Variants in ATXN7 observed in about 807,000 individuals in gnomAD.
The protein encoded by ATXN7 is ataxin-7.
ATXN7 carries 12 observed loss-of-function variants against 70.5 expected under a neutral mutation model. The observed-to-expected ratio is 0.17, with a 90% CI of 0.11 to 0.28. The LOEUF (loss-of-function observed/expected upper bound fraction) is 0.28, where lower values mean the gene tolerates loss of function less well. Ranked by LOEUF, ATXN7 falls within the 10% of genes least tolerant of loss-of-function variation. The pLI is 1.00. For missense variants in ATXN7, 1,256 were observed against 1,131.7 expected (o/e 1.11, Z -1.58); for synonymous variants, 498 against 448.7 (o/e 1.11, Z -1.39).
At chr3:63,929,269 CTT>C (rs1029963204) in intron 4 of ATXN7, among the ~76,000 whole-genome samples, 196 of 136,614 alleles carry the variant, frequency 1.4e-3, no homozygotes, top group African/African-American at 3.6e-3. Flanking sequence ...CTCTCTCTCT[CTT>C]TTTTTTTTTT....
chr3:63,989,816 G>C (rs2075639206), intron 9 of ATXN7, among the ~76,000 whole-genome samples: 1 of 152,116 alleles, frequency 6.6e-6, no homozygotes, highest in Admixed American at 6.5e-5. Context: ...TATTGTGTAG[G>C]TAAACCAAAT....
chr3:63,877,612 G>A (rs537532939), intron 1 of ATXN7, among the ~76,000 whole-genome samples: 2 of 152,330 alleles, frequency 1.3e-5, no homozygotes, highest in Admixed American at 6.5e-5. Flanking sequence ...CTTAGCAACT[G>A]TTTCTTGTCA....
intron 2 of ATXN7, chr3:63,911,470 T>G (rs1046247451): frequency 8.5e-5 from 13 of 152,210 alleles, no homozygotes; most frequent in African/African-American, 3.1e-4. Context: ...GGTCTCGTCC[T>G]GCCCAAGAAA....
At chr3:63,929,574 C>T (rs1202064223) in intron 4 of ATXN7, among the ~76,000 whole-genome samples, 4 of 152,096 alleles carry the variant, frequency 2.6e-5, no homozygotes, top group African/African-American at 9.7e-5. Flanking sequence ...CCCGGCCTGC[C>T]TTTCTTTTGA....
chr3:63,896,243 C>A (rs1385615505), intron 1 of ATXN7, among the ~76,000 whole-genome samples: 2 of 146,262 alleles, frequency 1.4e-5, no homozygotes, highest in Non-Finnish European at 1.5e-5. Context: ...GTTAGGTCTT[C>A]TTTCTTTCTC....
chr3:63,999,164 C>A, intron 12 of ATXN7: 3 of 344,292 alleles, frequency 8.7e-6, no homozygotes, highest in Non-Finnish European at 1.6e-5. Flanking sequence ...TAAATAAAAC[C>A]AAAAGGCAAA....
intron 4 of ATXN7, among the ~76,000 whole-genome samples, chr3:63,935,588 A>T (rs1288530354): frequency 6.6e-6 from 1 of 152,108 alleles, no homozygotes; most frequent in Non-Finnish European, 1.5e-5. Flanking sequence ...TTTTTTCCCC[A>T]GTAGTGAGCT....
At chr3:63,981,789 C>G (rs569834995) in intron 6 of ATXN7, among the ~76,000 whole-genome samples, 19 of 152,302 alleles carry the variant, frequency 1.2e-4, no homozygotes, top group Admixed American at 4.6e-4. Context: ...TTTGATGAAT[C>G]CTTTCGTACA....
intron 8 of ATXN7, 51 bp from the exon 9 acceptor site, chr3:63,988,008 C>T (rs777666953): frequency 1.2e-6 from 2 of 1,603,930 alleles, no homozygotes; most frequent in Admixed American, 3.5e-5. Context: ...ATAAGGCAGA[C>T]CAAAAATTAT....
intron 4 of ATXN7, among the ~76,000 whole-genome samples, chr3:63,933,753 C>G (rs1400701162): frequency 1.3e-5 from 2 of 152,158 alleles, no homozygotes; most frequent in East Asian, 3.8e-4. Context: ...GTGGTATTCT[C>G]TACTGGGTAT....
intron 2 of ATXN7, chr3:63,903,948 C>T (rs1214493640): frequency 6.6e-6 from 1 of 152,156 alleles, no homozygotes; most frequent in Non-Finnish European, 1.5e-5. Context: ...AATTCAAATG[C>T]CATAAATTTA....
chr3:63,948,598 A>G (rs1385531432), intron 4 of ATXN7, among the ~76,000 whole-genome samples: 2 of 152,196 alleles, frequency 1.3e-5, no homozygotes, highest in Admixed American at 6.5e-5. Context: ...TTACTGAACA[A>G]AGTCCTCAAA....
Position 64,001,450 on chromosome 3 carries a change from A to T in ATXN7, c.*1983A>T, listed in dbSNP as rs561241983. 1 of 152,152 alleles carries T rather than the reference A, an allele frequency of 6.6e-6. No individual in the cohort carries two copies. The highest frequency in any genetic ancestry group is 6.5e-5 in the Admixed American group (1 of 15,288). The allele number at this position is 152,152 out of a possible 1,614,324, so 9.4% of individuals were successfully genotyped here. A position where few individuals can be genotyped will look rare whatever the true frequency, so the allele number is the denominator to read the frequency against. On this transcript the variant is annotated 3_prime_UTR_variant, in exon 13 of 13. Transcript: ENST00000674280. ...AGTTGATTCCTTGGTGACAAGTGCA[A>T]TGGGGTATGGGTAGAATTTATTTTC...
chr3:63,946,416 G>T (rs2074863682), intron 4 of ATXN7, among the ~76,000 whole-genome samples: 1 of 152,106 alleles, frequency 6.6e-6, no homozygotes, highest in African/African-American at 2.4e-5. Flanking sequence ...GAGGCAGGAG[G>T]ATCACAAGGT....
Position 63,912,703 on chromosome 3 carries a change from G to A in ATXN7, c.105G>A (p.Gln35=). 2 of 1,187,856 alleles carry A rather than the reference G, an allele frequency of 1.7e-6. No individual in the cohort carries two copies. The highest frequency in any genetic ancestry group is 4.4e-5 in the East Asian group (1 of 22,504). The allele number at this position is 1,187,856 out of a possible 1,614,324, so 73.6% of individuals were successfully genotyped here. The change falls in exon 3 of 13, where the codon CAG becomes CAA. Residue 35 remains glutamine (Q), a synonymous_variant. Coordinates refer to ENST00000674280, the MANE Select transcript of ATXN7 (RefSeq NM_001377405.1). ...CCGCCCGGCAGCAGCAGCAGCAGCA[G>A]CAGCAGCAGCAGCCGCCGCCTCCGC... ...AAAARQQQQQ[Q]QQQQPPPPQP...
chr3:63,922,785 T>C (rs1391157002), intron 4 of ATXN7, among the ~76,000 whole-genome samples: 1 of 152,176 alleles, frequency 6.6e-6, no homozygotes, highest in African/African-American at 2.4e-5. Context: ...TTGTTCTTTT[T>C]GGAAACTATA....
intron 12 of ATXN7, 67 bp downstream of exon 12, chr3:63,996,550 C>T (rs748046220): frequency 8.7e-6 from 13 of 1,489,638 alleles, no homozygotes; most frequent in South Asian, 1.2e-5. Context: ...TTTGTCAGCT[C>T]AGAAATGTGT....
At chr3:63,880,939 C>A (rs1382783510) in intron 1 of ATXN7, among the ~76,000 whole-genome samples, 1 of 151,898 alleles carries the variant, frequency 6.6e-6, no homozygotes, top group Non-Finnish European at 1.5e-5. Flanking sequence ...TAGATACTTG[C>A]AAAAAAGGGA....
upstream of ATXN7, chr3:63,863,685 C>T: frequency 8.1e-7 from 1 of 1,238,758 alleles, no homozygotes; most frequent in Non-Finnish European, 1.0e-6. Context: ...CCGAGGGGTT[C>T]CCGGAAGCGG....
Sources: allele counts gnomAD v4.1 joint callset (sites outside exome capture counted in the v4.1 genomes callset), GRCh38; gene constraint gnomAD v4.1.1; transcripts MANE v1.5; gene names NCBI Gene and HGNC (gene_info 2026-07-23, HGNC 2026-07-21).